Variants in FMN2 observed in about 807,000 individuals in gnomAD.
FMN2 encodes the protein formin-2.
FMN2 carries 51 observed loss-of-function variants against 142.3 expected under a neutral mutation model. The ratio of observed to expected loss-of-function variants is 0.36; its 90% CI spans 0.29 to 0.45. The LOEUF is 0.45. FMN2 is among the 20% of genes least tolerant of loss of function. The pLI, the probability that FMN2 is intolerant of heterozygous loss-of-function variation, is 1.00. For synonymous variants in FMN2, 882 were observed against 869.8 expected, an observed-to-expected ratio of 1.01 and a Z score of -0.25; for missense variants, 1,936 against 2,122.8, an observed-to-expected ratio of 0.91 and a Z score of 1.73.
intron 13 of FMN2, among the ~76,000 whole-genome samples, chr1:240,354,056 G>C (rs1672188323): frequency 2.6e-5 from 4 of 152,112 alleles, no homozygotes; most frequent in Admixed American, 2.6e-4. Context: ...CATGGTGTAG[G>C]CTTTGCAATT....
intron 1 of FMN2, among the ~76,000 whole-genome samples, chr1:240,104,230 A>G (rs1661523573): frequency 6.7e-6 from 1 of 149,864 alleles, no homozygotes; most frequent in South Asian, 2.1e-4. Flanking sequence ...AATAGACATT[A>G]TATATATTTT....
chr1:240,150,871 G>C (rs10926143), intron 2 of FMN2, among the ~76,000 whole-genome samples: 83,377 of 152,002 alleles, frequency 0.55, 23,396 homozygotes, highest in South Asian at 0.73. Flanking sequence ...GTCCCTAAAT[G>C]TATTTTGGAA....
intron 8 of FMN2, among the ~76,000 whole-genome samples, chr1:240,318,493 A>T (rs1403690143): frequency 6.6e-6 from 1 of 152,112 alleles, no homozygotes; most frequent in Non-Finnish European, 1.5e-5. Context: ...ATGGGAAGAA[A>T]ATAGAAAACT....
At chr1:240,161,089 A>G (rs1353662073) in intron 2 of FMN2, among the ~76,000 whole-genome samples, 2 of 152,156 alleles carry the variant, frequency 1.3e-5, no homozygotes, top group Non-Finnish European at 2.9e-5. Context: ...AAGTATATGA[A>G]CAGATTTATC....
At chr1:240,098,538 C>G (rs770777616) in intron 1 of FMN2, among the ~76,000 whole-genome samples, 16 of 151,954 alleles carry the variant, frequency 1.1e-4, no homozygotes, top group Admixed American at 7.9e-4. Flanking sequence ...TAATGTCTGA[C>G]GAATGAAGGT....
At chr1:240,143,698 A>G in intron 2 of FMN2, 1 of 1,596,604 alleles carries the variant, frequency 6.3e-7, no homozygotes. Flanking sequence ...ATTGAGACCC[A>G]GTCCAAGAGG....
rs757220668 is a variant in FMN2, at chr1:240,315,016, T to G, written c.4216-14060T>G. On this transcript the variant is annotated intron_variant, in intron 8 of 17. Coordinates refer to ENST00000319653, the MANE Select transcript of FMN2 (RefSeq NM_020066.5). ...ACATAGAGTAAACATTTTCCAGTAA[T>G]TTTCCTTGATGGCAGGCAAGCATTA... 8.5e-5 allele frequency among the ~76,000 whole-genome samples: 13 copies of G among 152,354 alleles called. No individual in the cohort carries two copies. The South Asian group carries it at 1.5e-3, about 17-fold the overall frequency.
intron 2 of FMN2, chr1:240,144,448 A>G: frequency 1.3e-6 from 2 of 1,585,790 alleles, no homozygotes; most frequent in South Asian, 1.1e-5. Flanking sequence ...ACTCCTTGAC[A>G]TCTTCACTCA....
intron 6 of FMN2, among the ~76,000 whole-genome samples, chr1:240,224,765 C>T (rs752167049): frequency 6.6e-6 from 1 of 152,084 alleles, no homozygotes; most frequent in Non-Finnish European, 1.5e-5. Context: ...TTTGCTGCAG[C>T]CAAGGAGATG....
intron 2 of FMN2, among the ~76,000 whole-genome samples, chr1:240,159,953 A>G (rs1458057740): frequency 6.9e-5 from 9 of 130,810 alleles, no homozygotes; most frequent in Admixed American, 7.6e-5. Flanking sequence ...ATATATATCT[A>G]TATCTGTGTA....
intron 1 of FMN2, among the ~76,000 whole-genome samples, chr1:240,121,735 T>TTAAAA (rs1662263921): frequency 3.9e-5 from 1 of 25,672 alleles, no homozygotes; most frequent in African/African-American, 1.5e-4. Context: ...AGGGAAATAG[T>TTAAAA]AAAAAAAAAA....
intron 14 of FMN2, among the ~76,000 whole-genome samples, chr1:240,386,516 G>A (rs1002811391): frequency 1.3e-5 from 2 of 152,112 alleles, no homozygotes; most frequent in Admixed American, 6.6e-5. Flanking sequence ...CAGAAAGGGC[G>A]TCCATTTCGT....
intron 16 of FMN2, among the ~76,000 whole-genome samples, chr1:240,452,914 T>G (rs1676108939): frequency 6.6e-6 from 1 of 152,206 alleles, no homozygotes; most frequent in Non-Finnish European, 1.5e-5. Context: ...TTAGTTTTCT[T>G]AATGTTTTCG....
chr1:240,148,743 G>A (rs1053743921), intron 2 of FMN2, among the ~76,000 whole-genome samples: 2 of 152,158 alleles, frequency 1.3e-5, no homozygotes, highest in Non-Finnish European at 2.9e-5. Context: ...CACTTTGGGA[G>A]GCCGAGGCGG....
chr1:240,440,827 C>A (rs1345141839), intron 16 of FMN2, among the ~76,000 whole-genome samples: 1 of 149,480 alleles, frequency 6.7e-6, no homozygotes, highest in Admixed American at 6.6e-5. Context: ...GAGGGACCAG[C>A]TATGTACTTC....
intron 11 of FMN2, 49 bp downstream of exon 11, chr1:240,330,798 T>G: frequency 6.3e-7 from 1 of 1,590,998 alleles, no homozygotes; most frequent in South Asian, 1.1e-5. Context: ...AGTCAAGGTT[T>G]TGTTTAGTAA....
chr1:240,159,921 A>G (rs1030364614), intron 2 of FMN2, among the ~76,000 whole-genome samples: 1 of 137,198 alleles, frequency 7.3e-6, no homozygotes, highest in Non-Finnish European at 1.5e-5. Context: ...ATATATATAT[A>G]TATATATATA....
At chr1:240,246,841 A>AT (rs1347572302) in intron 6 of FMN2, among the ~76,000 whole-genome samples, 1 of 152,150 alleles carries the variant, frequency 6.6e-6, no homozygotes, top group Non-Finnish European at 1.5e-5. Flanking sequence ...CTTTTTTCTG[A>AT]TTATAAGTTC....
intron 7 of FMN2, among the ~76,000 whole-genome samples, chr1:240,276,077 G>C (rs1421154826): frequency 6.6e-6 from 1 of 152,192 alleles, no homozygotes; most frequent in Non-Finnish European, 1.5e-5. Context: ...GGGAGGCTAA[G>C]GCCAAAGGAT....
Sources: allele counts gnomAD v4.1 joint callset (sites outside exome capture counted in the v4.1 genomes callset), GRCh38; gene constraint gnomAD v4.1.1; transcripts MANE v1.5; gene names NCBI Gene and HGNC (gene_info 2026-07-23, HGNC 2026-07-21).